Variants in ATRNL1 observed in about 807,000 individuals in gnomAD.
ATRNL1 encodes the protein attractin like 1, also known as attractin-like protein 1.
A neutral mutation model predicts 182.7 loss-of-function variants in ATRNL1; 95 were observed. The ratio of observed to expected loss-of-function variants is 0.52; its 90% CI spans 0.44 to 0.62. The LOEUF (loss-of-function observed/expected upper bound fraction) is 0.62. ATRNL1 is among the 20% of genes least tolerant of loss of function. The probability of loss-of-function intolerance (pLI) is 0.00; values close to 1 mark genes in which losing one functional copy is unlikely to be tolerated. For missense variants in ATRNL1, 1,471 were observed against 1,679.5 expected, an observed-to-expected ratio of 0.88 and a Z score of 2.17; for synonymous variants, 576 against 568.3, an observed-to-expected ratio of 1.01 and a Z score of -0.19.
intron 26 of ATRNL1, among the ~76,000 whole-genome samples, chr10:115,595,713 C>T (rs1856196269): frequency 6.6e-6 from 1 of 152,024 alleles, no homozygotes; most frequent in African/African-American, 2.4e-5. Flanking sequence ...GGCAGTTGCT[C>T]AGTTTTTTAT....
At chr10:115,467,797 A>G (rs982494926) in intron 23 of ATRNL1, among the ~76,000 whole-genome samples, 5 of 150,836 alleles carry the variant, frequency 3.3e-5, no homozygotes, top group African/African-American at 1.2e-4. Context: ...CTTAAAAAGT[A>G]TATCTGAGAA....
At chr10:115,309,944 T>C (rs555397674) in intron 17 of ATRNL1, among the ~76,000 whole-genome samples, 1 of 152,124 alleles carries the variant, frequency 6.6e-6, no homozygotes, top group African/African-American at 2.4e-5. Flanking sequence ...TTAGAGGTAA[T>C]GCGTTCAACA....
At chr10:115,463,623 C>T (rs1445534048) in intron 22 of ATRNL1, among the ~76,000 whole-genome samples, 2 of 152,098 alleles carry the variant, frequency 1.3e-5, no homozygotes, top group Non-Finnish European at 2.9e-5. Context: ...TTCATTATCC[C>T]TAACAGAAAC....
intron 26 of ATRNL1, among the ~76,000 whole-genome samples, chr10:115,619,361 A>C (rs1857601281): frequency 6.6e-6 from 1 of 152,154 alleles, no homozygotes; most frequent in Non-Finnish European, 1.5e-5. Context: ...CTGGCCCCAC[A>C]GCCCCTAGTA....
chr10:115,121,403 C>T (rs1387844359), intron 2 of ATRNL1, among the ~76,000 whole-genome samples: 1 of 152,184 alleles, frequency 6.6e-6, no homozygotes, highest in Non-Finnish European at 1.5e-5. Context: ...AGCCACTGCA[C>T]CTGGCTGAAC....
chr10:115,334,440 T>G, intron 19 of ATRNL1, 21 bp downstream of exon 19: 1 of 1,497,872 alleles, frequency 6.7e-7, no homozygotes, highest in Non-Finnish European at 9.0e-7. Flanking sequence ...TTTAAGCAAA[T>G]TTTGGTGTAT....
At chr10:115,448,367 G>A (rs1847110898) in intron 21 of ATRNL1, among the ~76,000 whole-genome samples, 1 of 152,046 alleles carries the variant, frequency 6.6e-6, no homozygotes, top group South Asian at 2.1e-4. Context: ...TGTGAAAATA[G>A]CAGTCAGGAC....
At chr10:115,901,136 T>C (rs888013006) in intron 28 of ATRNL1, among the ~76,000 whole-genome samples, 2 of 152,336 alleles carry the variant, frequency 1.3e-5, no homozygotes, top group Admixed American at 6.5e-5. Context: ...CATCATTCTC[T>C]TAAGAGTTAA....
chr10:115,823,610 C>A (rs1290122662), intron 27 of ATRNL1, among the ~76,000 whole-genome samples: 1 of 152,180 alleles, frequency 6.6e-6, no homozygotes, highest in Non-Finnish European at 1.5e-5. Flanking sequence ...GTACAAAACT[C>A]ACAAGCATTC....
chr10:115,825,491 A>C (rs534350335), intron 27 of ATRNL1, among the ~76,000 whole-genome samples: 1 of 152,206 alleles, frequency 6.6e-6, no homozygotes, highest in Non-Finnish European at 1.5e-5. Context: ...AACTTGGTAC[A>C]CTCATGCTTA....
chr10:115,248,098 G>A (rs1554904516), intron 10 of ATRNL1, among the ~76,000 whole-genome samples: 4 of 152,130 alleles, frequency 2.6e-5, no homozygotes, highest in Non-Finnish European at 5.9e-5. Flanking sequence ...GGAATACATT[G>A]TAGTGTTCTA....
chr10:115,735,400 G>T (rs113497577), intron 27 of ATRNL1, among the ~76,000 whole-genome samples: 5 of 152,088 alleles, frequency 3.3e-5, no homozygotes, highest in African/African-American at 1.2e-4. Context: ...TCTGATTTCC[G>T]TTGTTGCTGT....
In ATRNL1 at chr10:115,481,555, T is replaced by A. The variant is rs187850532; in HGVS notation, c.3654+12226T>A. On this transcript the variant is annotated intron_variant, in intron 24 of 28. Coordinates refer to ENST00000355044, the MANE Select transcript of ATRNL1 (RefSeq NM_207303.4). ...TTGTTGAATTTCATACAGTAGGCAATTGAATTGAGATATGAGACTGGTCAA... is the reference window on the plus strand; with the variant it reads ...TTGTTGAATTTCATACAGTAGGCAAATGAATTGAGATATGAGACTGGTCAA... Among the ~76,000 whole-genome samples the A allele has an allele frequency of 3.0e-4, 46 of 150,910 alleles. 1 individual carries two copies. The East Asian group carries it at 6.2e-3, about 20-fold the overall frequency.
chr10:115,212,927 C>G (rs782403497), intron 8 of ATRNL1, among the ~76,000 whole-genome samples: 4 of 152,000 alleles, frequency 2.6e-5, no homozygotes, highest in Non-Finnish European at 5.9e-5. Flanking sequence ...ATGAAATAAT[C>G]TATACAACAA....
chr10:115,156,576 A>C (rs1194677217), intron 5 of ATRNL1, among the ~76,000 whole-genome samples: 1 of 152,124 alleles, frequency 6.6e-6, no homozygotes, highest in Non-Finnish European at 1.5e-5. Flanking sequence ...ATCTCTCAGC[A>C]GCCCGACACT....
At chr10:115,876,311 G>A (rs781892813) in intron 28 of ATRNL1, among the ~76,000 whole-genome samples, 9 of 152,162 alleles carry the variant, frequency 5.9e-5, no homozygotes, top group Non-Finnish European at 8.8e-5. Flanking sequence ...GATTGTGAAA[G>A]GCTCAAATGA....
chr10:115,713,010 GTGTT>G (rs1565309889), intron 26 of ATRNL1, among the ~76,000 whole-genome samples: 1 of 152,140 alleles, frequency 6.6e-6, no homozygotes, highest in Non-Finnish European at 1.5e-5. Flanking sequence ...GAGAGTGACT[GTGTT>G]TGGTGAATAG....
At chr10:115,493,005 TA>T (rs1208674575) in intron 24 of ATRNL1, among the ~76,000 whole-genome samples, 1 of 152,182 alleles carries the variant, frequency 6.6e-6, no homozygotes, top group African/African-American at 2.4e-5. Flanking sequence ...TATGTATATG[TA>T]AAACAACATC....
intron 7 of ATRNL1, among the ~76,000 whole-genome samples, chr10:115,169,895 G>T (rs1847217844): frequency 6.6e-6 from 1 of 151,826 alleles, no homozygotes; most frequent in Non-Finnish European, 1.5e-5. Flanking sequence ...TATTCTTTTA[G>T]ATGCTTTTGT....
Sources: allele counts gnomAD v4.1 joint callset (sites outside exome capture counted in the v4.1 genomes callset), GRCh38; gene constraint gnomAD v4.1.1; transcripts MANE v1.5; gene names NCBI Gene and HGNC (gene_info 2026-07-23, HGNC 2026-07-21).